Variants in OR2T11 observed in about 807,000 individuals in gnomAD.
OR2T11 encodes olfactory receptor 2T11.
OR2T11 carries 14 observed loss-of-function variants against 13.5 expected under a neutral mutation model. That is an observed-to-expected ratio of 1.04 (90% CI 0.69 to 1.62). The LOEUF (loss-of-function observed/expected upper bound fraction) is 1.62, where lower values mean the gene tolerates loss of function less well. Among genes scored for constraint, OR2T11 ranks in the 40% most tolerant of loss-of-function variants. The pLI, the probability that OR2T11 is intolerant of heterozygous loss-of-function variation, is 0.00. For missense variants in OR2T11, 410 were observed against 389.7 expected (o/e 1.05, Z -0.44); for synonymous variants, 163 against 154.6 (o/e 1.05, Z -0.40).
chr1:248,631,588 A>T (rs1660616277), intron 1 of OR2T11, among the ~76,000 whole-genome samples: 1 of 143,476 alleles, frequency 7.0e-6, no homozygotes, highest in South Asian at 2.2e-4. Context: ...CCATAAACAC[A>T]CCCAAGGAAA....
chr1:248,627,020 T>G lies in OR2T11; in HGVS notation c.109A>C (p.Thr37Pro), dbSNP rs755394056. Residue 37 changes from threonine to proline, a missense_variant, in exon 2 of 2, where the codon ACT becomes CCT. By Grantham distance (38) the Thr-to-Pro change is conservative (BLOSUM62 -1). Transcript: ENST00000641193. ...VILAVFLGAV[T>P]ANLVMIFLIQ... ...AAGAATATCATGACCAAATTTGCAG[T>G]CACGGCCCCCAAGAAAACAGCAAGG... The G allele has an allele frequency of 6.4e-7, 1 of 1,569,458 alleles. No homozygotes were observed. The highest frequency in any genetic ancestry group is 8.7e-7 in the Non-Finnish European group (1 of 1,154,156).
rs1660541133 is a variant in OR2T11, at chr1:248,627,371, T to C, written c.-144-99A>G. The C allele has an allele frequency of 4.1e-6, 2 of 491,760 alleles. 1 individual carries two copies. Among genetic ancestry groups the C allele is most frequent in the Non-Finnish European group, 7.2e-6 (2 of 278,816 alleles). The allele number at this position is 491,760 out of a possible 1,614,324, so 30.5% of individuals were successfully genotyped here. On this transcript the variant is annotated intron_variant, in intron 1 of 1. Coordinates refer to ENST00000641193, the MANE Select transcript of OR2T11 (RefSeq NM_001001964.2). The stretch of plus-strand genomic sequence containing the variant: ...AGCTCCTTCTATATTGCGTCTATGG[T>C]TCATCATGCTGCTGGAGGTTATGGT...
rs1295505498 is a variant in OR2T11 at position 248,626,886 on chromosome 1, G to T, written c.243C>A (p.Asp81Glu). ...ICTTVPKLLA[D>E]MVSKEKIISF... ...AAATGATCTTCTCTTTAGAAACCAT[G>T]TCTGCCAGGAGTTTTGGGACAGTGG... is the stretch of plus-strand genomic sequence containing the variant. Residue 81 changes from aspartate to glutamate, a missense_variant, in exon 2 of 2, where the codon GAC (aspartate) becomes GAA (glutamate). Asp to Glu is a conservative substitution (Grantham distance 45). Coordinates refer to ENST00000641193, the MANE Select transcript of OR2T11 (RefSeq NM_001001964.2). 6.4e-7 allele frequency: 1 copy of T among 1,570,652 alleles called. No individual in the cohort carries two copies. Among genetic ancestry groups the T allele is most frequent in the African/African-American group, 1.5e-5 (1 of 66,778 alleles).
intron 1 of OR2T11, among the ~76,000 whole-genome samples, chr1:248,629,671 C>CA (rs1297933820): frequency 2.2e-5 from 3 of 139,360 alleles, no homozygotes; most frequent in African/African-American, 8.7e-5. Flanking sequence ...TAAGGCCCAT[C>CA]ACGTTCTGAA....
chr1:248,633,931 T>C (rs1213635357), intron 1 of OR2T11, among the ~76,000 whole-genome samples: 1 of 143,050 alleles, frequency 7.0e-6, no homozygotes, highest in African/African-American at 2.7e-5. Flanking sequence ...GCTCCAATTT[T>C]AAAATAGTTA....
rs202102532 is a variant in OR2T11, at chr1:248,626,813, C to T, written c.316G>A (p.Gly106Ser). 8 of 1,571,470 alleles carry T rather than the reference C, an allele frequency of 5.1e-6. 1 individual carries two copies. The highest frequency in any genetic ancestry group is 1.1e-5 in the South Asian group (1 of 88,870). The change falls in exon 2 of 2, where the codon GGT becomes AGT. Residue 106 changes from glycine (G) to serine (S), a missense_variant. Gly to Ser is a moderately conservative substitution (Grantham distance 56). Coordinates refer to ENST00000641193, the MANE Select transcript of OR2T11 (RefSeq NM_001001964.2). ...AGGCCCAGGAGGAAGAACTCAGAAC[C>T]AATCATGGTCAGGTAGAGGAAGATC... Reference protein sequence around the residue: ...IQIFLYLTMIGSEFFLLGLMA... With the variant: ...IQIFLYLTMISSEFFLLGLMA...
intron 1 of OR2T11, among the ~76,000 whole-genome samples, chr1:248,631,877 T>C (rs1660620337): frequency 7.0e-6 from 1 of 143,702 alleles, no homozygotes; most frequent in South Asian, 2.2e-4. Flanking sequence ...CCCCATTCAA[T>C]AGGCATGTTT....
rs754402308 is a variant in OR2T11 at position 248,627,276 on chromosome 1, GAGA to G, written c.-144-7_-144-5del. The G allele has an allele frequency of 3.0e-4, 175 of 578,736 alleles. 21 individuals carry two copies. The highest frequency in any genetic ancestry group is 4.8e-4 in the Non-Finnish European group (158 of 331,428). The allele number at this position is 578,736 out of a possible 1,614,324, so 35.9% of individuals were successfully genotyped here. ...GATGAAGCTTCCAGGCTAGAGGCTAGAGAAGAACAGGCAGACCAACATGCACAT... is the reference window on the plus strand; with the variant it reads ...GATGAAGCTTCCAGGCTAGAGGCTAGAGAACAGGCAGACCAACATGCACAT... On this transcript the variant is annotated splice_region_variant and splice_polypyrimidine_tract_variant and intron_variant, in intron 1 of 1. Coordinates refer to ENST00000641193, the MANE Select transcript of OR2T11 (RefSeq NM_001001964.2).
intron 1 of OR2T11, among the ~76,000 whole-genome samples, chr1:248,632,016 A>T (rs1442477410): frequency 2.8e-5 from 4 of 144,292 alleles, no homozygotes; most frequent in Non-Finnish European, 6.0e-5. Flanking sequence ...TTTCTAGCAT[A>T]AAGAAAATAC....
rs1660470646 is a variant in OR2T11 at position 248,623,557 on chromosome 1, A to G, written c.*2621T>C. The G allele has an allele frequency of 7.0e-6, 1 of 143,880 alleles. No individual in the cohort carries two copies. 8.9% of individuals were successfully genotyped at this position (143,880 alleles called of 1,614,324 possible). On this transcript the variant is annotated 3_prime_UTR_variant, in exon 2 of 2. Transcript: ENST00000641193. The stretch of plus-strand genomic sequence containing the variant: ...CTCCACACCATGAAGAATTCTGCCT[A>G]TACAACTTTTAATTGCCCAAAGAGA...
In OR2T11 at chr1:248,625,469, AACC is replaced by A. The variant is rs1351400552; in HGVS notation, c.*706_*708del. The A allele has an allele frequency of 1.4e-5, 2 of 143,784 alleles. No homozygotes were observed. The highest frequency in any genetic ancestry group is 3.0e-5 in the Non-Finnish European group (2 of 66,376). 8.9% of individuals were successfully genotyped at this position (143,784 alleles called of 1,614,324 possible). A position where few individuals can be genotyped will look rare whatever the true frequency, so the allele number is the denominator to read the frequency against. On this transcript the variant is annotated 3_prime_UTR_variant, in exon 2 of 2. Transcript: ENST00000641193. ...AAGTTTCTGGCCATGGATGTTAACG[AACC>A]TGGTATCCTGTTAATACATCCTCAA...
chr1:248,629,186 C>T (rs1327580255), intron 1 of OR2T11, among the ~76,000 whole-genome samples: 3 of 142,422 alleles, frequency 2.1e-5, no homozygotes, highest in Admixed American at 2.1e-4. Context: ...GCGGAAGGAT[C>T]ACTTGAAGCC....
rs1157345852 is a variant in OR2T11 at position 248,631,589 on chromosome 1, C to T, written c.-145+3449G>A. 4.9e-5 allele frequency among the ~76,000 whole-genome samples: 7 copies of T among 143,378 alleles called. 3 individuals carry two copies. The highest frequency in any genetic ancestry group is 1.9e-4 in the African/African-American group (7 of 36,410). The allele number at this position is 143,378 out of a possible 152,430, so 94.1% of individuals were successfully genotyped here. ...TGCAGGGTAAAAGGCCATAAACACA[C>T]CCAAGGAAAAGTTGAATTTCTGATC... On this transcript the variant is annotated intron_variant, in intron 1 of 1. Transcript: ENST00000641193.
rs751518509 is a variant in OR2T11 at position 248,629,293 on chromosome 1, C to G, written c.-144-2021G>C. The stretch of plus-strand genomic sequence containing the variant: ...CAGTCGTCCCAGCTACTCAGGAGGT[C>G]GAGTTGGGAGAATTGCTTGAGGCTA... On this transcript the variant is annotated intron_variant, in intron 1 of 1. Coordinates refer to ENST00000641193, the MANE Select transcript of OR2T11 (RefSeq NM_001001964.2). 3.5e-5 allele frequency among the ~76,000 whole-genome samples: 5 copies of G among 141,966 alleles called. 1 individual carries two copies. Among genetic ancestry groups the G allele is most frequent in the Non-Finnish European group, 7.6e-5 (5 of 65,978 alleles). The allele number at this position is 141,966 out of a possible 152,430, so 93.1% of individuals were successfully genotyped here. A position where few individuals can be genotyped will look rare whatever the true frequency, so the allele number is the denominator to read the frequency against.
rs779954544 is a variant in OR2T11, at chr1:248,626,276, G to C, written c.853C>G (p.Leu285Val). ...TCCTTGTTTCTGAGGCTGTAGATGAGAGGATTAAGCATGGGCGTGACAATG... is the reference window on the plus strand; with the variant it reads ...TCCTTGTTTCTGAGGCTGTAGATGACAGGATTAAGCATGGGCGTGACAATG... ...YTIVTPMLNP[L>V]IYSLRNKDVI... The change falls in exon 2 of 2, where the codon CTC (leucine) becomes GTC (valine). Residue 285 changes from leucine to valine, a missense_variant. Coordinates refer to ENST00000641193, the MANE Select transcript of OR2T11 (RefSeq NM_001001964.2). The C allele has an allele frequency of 1.2e-5, 19 of 1,569,352 alleles. 3 individuals carry two copies. In the African/African-American group the frequency reaches 2.5e-4, roughly 21 times the overall value.
intron 1 of OR2T11, among the ~76,000 whole-genome samples, chr1:248,633,832 G>A (rs914142119): frequency 4.2e-5 from 6 of 143,678 alleles, no homozygotes; most frequent in African/African-American, 1.6e-4. Context: ...CCACCCTTGA[G>A]AAATGCCCCT....
At chr1:248,630,076 C>A (rs1469422113) in intron 1 of OR2T11, among the ~76,000 whole-genome samples, 1 of 131,240 alleles carries the variant, frequency 7.6e-6, no homozygotes, top group Admixed American at 7.6e-5. Flanking sequence ...TTGAATAAAT[C>A]ATTTTTAAAC....
chr1:248,629,385 CCT>C (rs1660572380), intron 1 of OR2T11, among the ~76,000 whole-genome samples: 1 of 127,434 alleles, frequency 7.8e-6, no homozygotes, highest in Admixed American at 7.9e-5. Context: ...AGAGCAAGAC[CCT>C]GTTTCTAAAA....
At chr1:248,634,773 T>TCC (rs1491502176) in intron 1 of OR2T11, among the ~76,000 whole-genome samples, 216 of 142,990 alleles carry the variant, frequency 1.5e-3, no homozygotes, top group Middle Eastern at 6.9e-3. Context: ...ACAGGGATGT[T>TCC]CTGTCACTTT....
Sources: gnomAD v4.1 joint callset for allele counts (sites outside exome capture counted in the v4.1 genomes callset) on GRCh38, gnomAD v4.1.1 for gene constraint, MANE v1.5 for transcripts, NCBI Gene and HGNC (gene_info 2026-07-23, HGNC 2026-07-21) for gene names.